METTL8: variants seen among roughly 807,000 people sequenced by gnomAD.
METTL8 encodes tRNA N(3)-cytidine methyltransferase METTL8, mitochondrial.
In METTL8, 32 loss-of-function variants were observed where a neutral mutation model predicts 48.7. The observed-to-expected ratio is 0.66, with a 90% confidence interval of 0.50 to 0.88. The LOEUF is 0.88. METTL8 is among the 40% of genes least tolerant of loss of function. The pLI, the probability that METTL8 is intolerant of heterozygous loss-of-function variation, is 0.00. For missense variants in METTL8, 464 were observed against 474.4 expected, an observed-to-expected ratio of 0.98 and a Z score of 0.20; for synonymous variants, 136 against 157.1, an observed-to-expected ratio of 0.87 and a Z score of 1.01.
intron 1 of METTL8, among the ~76,000 whole-genome samples, chr2:171,396,844 CT>C (rs999592710): frequency 6.6e-6 from 1 of 150,702 alleles, no homozygotes; most frequent in Non-Finnish European, 1.5e-5. Flanking sequence ...ATAATCTCAG[CT>C]TCTATCTTTT....
chr2:171,342,401 G>C (rs1686866695), intron 3 of METTL8, among the ~76,000 whole-genome samples: 1 of 152,208 alleles, frequency 6.6e-6, no homozygotes, highest in Non-Finnish European at 1.5e-5. Flanking sequence ...ATTTATGGTT[G>C]ATCTGAAACT....
At position 171,429,889 on chromosome 2, in the gene METTL8, A is replaced by T. The variant is rs548834288; in HGVS notation, c.-13+3994T>A. 8.0e-4 allele frequency among the ~76,000 whole-genome samples: 121 copies of T among 151,920 alleles called. 4 individuals are homozygous for T. The highest frequency in any genetic ancestry group is 2.3e-3 in the East Asian group (12 of 5,172). On this transcript the variant is annotated intron_variant, in intron 1 of 9. Transcript: ENST00000375258. ...ACCCCATCTCTACTAAAAATACAAA[A>T]ATTAGCTGGGTGTGGTGGCATGTGC...
At chr2:171,384,397 C>T (rs1382424161) in intron 2 of METTL8, among the ~76,000 whole-genome samples, 1 of 152,122 alleles carries the variant, frequency 6.6e-6, no homozygotes, top group Non-Finnish European at 1.5e-5. Flanking sequence ...GTAGTACCAG[C>T]TACTTGGGAG....
At chr2:171,428,679 T>C (rs1267766609) in intron 1 of METTL8, among the ~76,000 whole-genome samples, 1 of 152,112 alleles carries the variant, frequency 6.6e-6, no homozygotes, top group African/African-American at 2.4e-5. Flanking sequence ...ATGACAATTC[T>C]AGTATAGTGC....
In METTL8 at chr2:171,339,187, T is replaced by A. The variant is rs757848485; in HGVS notation, c.603A>T (p.Leu201=). Residue 201 remains leucine, a synonymous_variant, in exon 4 of 10, where the codon CTA becomes CTT. Coordinates refer to ENST00000375258, the MANE Select transcript of METTL8 (RefSeq NM_001321154.2). Reference sequence around the variant, plus strand: ...TTTTGTCCCTTGAGCACAATACCTCTAGTATCCTGAAAGTGGCATTGCTAC... The same window carrying A: ...TTTTGTCCCTTGAGCACAATACCTCAAGTATCCTGAAAGTGGCATTGCTAC... ...FPGSNATFRI[L]EVGCGAGNSV... 1 of 1,525,554 alleles carries A rather than the reference T, an allele frequency of 6.6e-7. No individual in the cohort carries two copies. The highest frequency in any genetic ancestry group is 8.8e-7 in the Non-Finnish European group (1 of 1,135,080). The allele number at this position is 1,525,554 out of a possible 1,614,324, so 94.5% of individuals were successfully genotyped here. A position where few individuals can be genotyped will look rare whatever the true frequency, so the allele number is the denominator to read the frequency against.
At chr2:171,395,929 C>T (rs1383247340) in intron 1 of METTL8, among the ~76,000 whole-genome samples, 3 of 152,106 alleles carry the variant, frequency 2.0e-5, no homozygotes, top group Non-Finnish European at 4.4e-5. Flanking sequence ...ATGGAACATT[C>T]ACCAAGGTAG....
At chr2:171,387,366 G>C (rs1046438053) in intron 2 of METTL8, among the ~76,000 whole-genome samples, 4 of 151,906 alleles carry the variant, frequency 2.6e-5, no homozygotes, top group Non-Finnish European at 5.9e-5. Flanking sequence ...CATCCAGCGA[G>C]GGGGACATAG....
intron 1 of METTL8, among the ~76,000 whole-genome samples, chr2:171,398,710 T>A (rs1206916331): frequency 2.6e-5 from 4 of 152,168 alleles, no homozygotes; most frequent in Non-Finnish European, 5.9e-5. Context: ...TTGCCACACA[T>A]ACACACAAAG....
At chr2:171,385,390 A>C (rs1687949738) in intron 2 of METTL8, among the ~76,000 whole-genome samples, 1 of 152,200 alleles carries the variant, frequency 6.6e-6, no homozygotes, top group Non-Finnish European at 1.5e-5. Context: ...CTTAAATATA[A>C]AGGAGAAAAT....
intron 3 of METTL8, among the ~76,000 whole-genome samples, chr2:171,343,743 TAA>T (rs1221352495): frequency 6.6e-6 from 1 of 152,224 alleles, no homozygotes; most frequent in Admixed American, 6.5e-5. Context: ...GTAGTATCTC[TAA>T]AGTCTGTTTA....
At chr2:171,404,446 A>G (rs1040479596) in intron 1 of METTL8, among the ~76,000 whole-genome samples, 3 of 152,080 alleles carry the variant, frequency 2.0e-5, no homozygotes, top group African/African-American at 4.8e-5. Flanking sequence ...GTTAGAATTT[A>G]TAGAGTGGAT....
rs1287878350 is a variant in METTL8 at position 171,383,869 on chromosome 2, C to T, written c.143+8174G>A. ...AAAATGGTTCAGTCACTGTGGAAAACAATTTGAGTTTCTCAAAAACTTAAA... is the reference window on the plus strand; with the variant it reads ...AAAATGGTTCAGTCACTGTGGAAAATAATTTGAGTTTCTCAAAAACTTAAA... On this transcript the variant is annotated intron_variant, in intron 2 of 9. Coordinates refer to ENST00000375258, the MANE Select transcript of METTL8 (RefSeq NM_001321154.2). 2.6e-5 allele frequency among the ~76,000 whole-genome samples: 4 copies of T among 152,302 alleles called. No individual in the cohort carries two copies. In the East Asian group the frequency reaches 5.8e-4, roughly 22 times the overall value.
chr2:171,378,590 C>T (rs922979088), intron 2 of METTL8, among the ~76,000 whole-genome samples: 1 of 151,990 alleles, frequency 6.6e-6, no homozygotes, highest in Non-Finnish European at 1.5e-5. Flanking sequence ...TAGACCACAC[C>T]ACTGCACTCC....
At chr2:171,418,754 G>A (rs1691577120) in intron 1 of METTL8, among the ~76,000 whole-genome samples, 1 of 151,998 alleles carries the variant, frequency 6.6e-6, no homozygotes, top group Non-Finnish European at 1.5e-5. Flanking sequence ...AGGAGTTCAA[G>A]ACCAGTCTGG....
chr2:171,364,704 T>G (rs1306007789), intron 2 of METTL8, among the ~76,000 whole-genome samples: 1 of 152,192 alleles, frequency 6.6e-6, no homozygotes, highest in African/African-American at 2.4e-5. Flanking sequence ...CCCAATTATT[T>G]AAGTTGGATA....
At chr2:171,340,811 T>C (rs778254784) in intron 3 of METTL8, among the ~76,000 whole-genome samples, 1 of 152,222 alleles carries the variant, frequency 6.6e-6, no homozygotes, top group Non-Finnish European at 1.5e-5. Context: ...CCATGTCTCC[T>C]GACTTTTGGA....
intron 2 of METTL8, among the ~76,000 whole-genome samples, chr2:171,383,721 G>A (rs966076503): frequency 6.6e-6 from 1 of 152,186 alleles, no homozygotes; most frequent in East Asian, 1.9e-4. Flanking sequence ...AACTGTGTAA[G>A]TTGCTCAATA....
At position 171,432,958 on chromosome 2, in the gene METTL8, T is replaced by C. The variant is rs574772608; in HGVS notation, c.-13+925A>G. 8 of 152,276 alleles carry C rather than the reference T, an allele frequency of 5.3e-5. No individual in the cohort carries two copies. In the East Asian group the frequency reaches 7.7e-4, roughly 15 times the overall value. The allele number at this position is 152,276 out of a possible 1,614,324, so 9.4% of individuals were successfully genotyped here. On this transcript the variant is annotated intron_variant, in intron 1 of 9. Transcript: ENST00000375258. ...ACCAAAACACTTCTAATATTAAACATTGAAATAAATGGGAGCTATACATAC... is the reference window on the plus strand; with the variant it reads ...ACCAAAACACTTCTAATATTAAACACTGAAATAAATGGGAGCTATACATAC...
chr2:171,334,854 T>A (rs954577972), intron 5 of METTL8, among the ~76,000 whole-genome samples: 5 of 152,288 alleles, frequency 3.3e-5, no homozygotes, highest in Admixed American at 2.6e-4. Context: ...GCAATATGTA[T>A]TGAGCTCCAA....
Sources: allele counts gnomAD v4.1 joint callset (sites outside exome capture counted in the v4.1 genomes callset), GRCh38; gene constraint gnomAD v4.1.1; transcripts MANE v1.5; gene names NCBI Gene and HGNC (gene_info 2026-07-23, HGNC 2026-07-21).